The following SERINC5 variants were observed in gnomAD, a reference collection of about 807,000 sequenced individuals.
SERINC5 encodes serine incorporator 5.
Under a neutral mutation model 63.1 loss-of-function variants are expected in SERINC5, and 41 were observed. The ratio of observed to expected loss-of-function variants is 0.65; its 90% confidence interval spans 0.51 to 0.84. The LOEUF (loss-of-function observed/expected upper bound fraction) is 0.84. Among genes scored for constraint, SERINC5 ranks in the 40% least tolerant of loss-of-function variants. The pLI is 0.00. For synonymous variants in SERINC5, 222 were observed against 215.2 expected, an observed-to-expected ratio of 1.03 and a Z score of -0.28; for missense variants, 523 against 573.0, an observed-to-expected ratio of 0.91 and a Z score of 0.89.
At chr5:80,251,871 C>T (rs1020769594) in intron 1 of SERINC5, among the ~76,000 whole-genome samples, 43 of 47,282 alleles carry the variant, frequency 9.1e-4, no homozygotes, top group Admixed American at 2.5e-3. Flanking sequence ...GCATCTGCCT[C>T]GGGTGAACTT....
intron 2 of SERINC5, among the ~76,000 whole-genome samples, chr5:80,186,371 C>A (rs922107822): frequency 6.6e-6 from 1 of 152,074 alleles, no homozygotes; most frequent in Non-Finnish European, 1.5e-5. Context: ...CTCCTGACCT[C>A]AGGTGATCCA....
At chr5:80,244,166 C>T (rs961855568) in intron 1 of SERINC5, among the ~76,000 whole-genome samples, 6 of 151,860 alleles carry the variant, frequency 4.0e-5, no homozygotes, top group African/African-American at 1.5e-4. Context: ...AGCTCCCCAG[C>T]ATTTCTCTAC....
intron 1 of SERINC5, among the ~76,000 whole-genome samples, chr5:80,243,810 CA>C (rs1317859196): frequency 1.3e-5 from 2 of 151,588 alleles, no homozygotes; most frequent in Non-Finnish European, 2.9e-5. Flanking sequence ...AAGCAAGCAG[CA>C]AAACCTGGAT....
At chr5:80,176,591 C>T (rs956828125) in intron 4 of SERINC5, among the ~76,000 whole-genome samples, 4 of 152,138 alleles carry the variant, frequency 2.6e-5, no homozygotes, top group Non-Finnish European at 5.9e-5. Flanking sequence ...ACCACCATGC[C>T]TGGCTAATTT....
downstream of SERINC5, among the ~76,000 whole-genome samples, chr5:80,134,302 A>G (rs1002891812): frequency 1.3e-5 from 2 of 152,154 alleles, no homozygotes; most frequent in African/African-American, 4.8e-5. Context: ...CCTGGCCAAC[A>G]TGGTGAAACC....
chr5:80,229,784 T>C (rs1044623069), intron 1 of SERINC5, among the ~76,000 whole-genome samples: 9 of 152,224 alleles, frequency 5.9e-5, no homozygotes, highest in African/African-American at 1.9e-4. Flanking sequence ...TGCATGCTCA[T>C]TTCATTCAAT....
Position 80,139,294 on chromosome 5 carries a change from T to A in SERINC5, c.*4369A>T. On this transcript the variant is annotated 3_prime_UTR_variant, in exon 12 of 12. Coordinates refer to ENST00000507668, the MANE Select transcript of SERINC5 (RefSeq NM_001174072.3). ...CAAAACAATCCTCTTAAATTTCTTA[T>A]AAATAGCTCTCCAGACATATATTAC... The A allele has an allele frequency of 2.0e-6, 2 of 978,434 alleles. No homozygotes were observed. Among genetic ancestry groups the A allele is most frequent in the South Asian group, 9.4e-5 (2 of 21,174 alleles). The allele number at this position is 978,434 out of a possible 1,614,324, so 60.6% of individuals were successfully genotyped here.
chr5:80,254,897 T>C (rs1416065772), intron 1 of SERINC5, among the ~76,000 whole-genome samples: 1 of 152,234 alleles, frequency 6.6e-6, no homozygotes, highest in African/African-American at 2.4e-5. Context: ...ACCCACAGTT[T>C]AACCACTCCA....
At chr5:80,217,310 T>A (rs1228143797) in intron 1 of SERINC5, among the ~76,000 whole-genome samples, 1 of 152,212 alleles carries the variant, frequency 6.6e-6, no homozygotes, top group African/African-American at 2.4e-5. Flanking sequence ...TGCCTCATTG[T>A]GTCATGGAGA....
chr5:80,128,769 T>G (rs1452883155), intron 11 of SERINC5, among the ~76,000 whole-genome samples: 1 of 152,212 alleles, frequency 6.6e-6, no homozygotes, highest in Non-Finnish European at 1.5e-5. Flanking sequence ...CATTATTATT[T>G]TATTATGCTG....
downstream of SERINC5, among the ~76,000 whole-genome samples, chr5:80,137,122 A>C (rs922615948): frequency 1.5e-5 from 2 of 136,838 alleles, no homozygotes; most frequent in Non-Finnish European, 3.1e-5. Context: ...CTGGGGTGGC[A>C]GACTGAGACC....
chr5:80,126,233 A>G (rs375871808), intron 11 of SERINC5, among the ~76,000 whole-genome samples: 1 of 152,334 alleles, frequency 6.6e-6, no homozygotes, highest in East Asian at 1.9e-4. Flanking sequence ...TGGATTATAA[A>G]AAGCTGGTTC....
At chr5:80,163,328 C>T (rs1747064325) in intron 7 of SERINC5, among the ~76,000 whole-genome samples, 1 of 152,138 alleles carries the variant, frequency 6.6e-6, no homozygotes, top group South Asian at 2.1e-4. Flanking sequence ...CCTTTTATTT[C>T]TTCCTCTTGC....
At chr5:80,161,036 GTA>G (rs538888494) in intron 7 of SERINC5, among the ~76,000 whole-genome samples, 71 of 124,822 alleles carry the variant, frequency 5.7e-4, no homozygotes, top group East Asian at 8.1e-4. Flanking sequence ...ATACACACGT[GTA>G]TATATATATA....
chr5:80,116,832 T>TC (rs1744340752), intron 11 of SERINC5, among the ~76,000 whole-genome samples: 1 of 149,086 alleles, frequency 6.7e-6, no homozygotes, highest in South Asian at 2.1e-4. Flanking sequence ...ACTGGAGAGC[T>TC]CTTTTTTTTT....
chr5:80,143,750 C>G lies in SERINC5; in HGVS notation c.1299G>C (p.Lys433Asn). 1 of 1,536,164 alleles carries G rather than the reference C, an allele frequency of 6.5e-7. No homozygotes were observed. The highest frequency in any genetic ancestry group is 8.7e-7 in the Non-Finnish European group (1 of 1,146,894). The change falls in exon 12 of 12, where the codon AAG (lysine) becomes AAC (asparagine). Residue 433 changes from lysine to asparagine, a missense_variant. Coordinates refer to ENST00000507668, the MANE Select transcript of SERINC5 (RefSeq NM_001174072.3). Reference sequence around the variant, plus strand: ...GCACGCATATCCAGCAGGAGGCCATCTTGACCCAGAAGATGGACCAGCTCC... The same window carrying G: ...GCACGCATATCCAGCAGGAGGCCATGTTGACCCAGAAGATGGACCAGCTCC... ...FSGSWSIFWV[K>N]MASCWICVLL...
chr5:80,204,652 C>T (rs978818005), intron 1 of SERINC5, among the ~76,000 whole-genome samples: 4 of 152,134 alleles, frequency 2.6e-5, no homozygotes, highest in African/African-American at 4.8e-5. Flanking sequence ...ATAATCGTGA[C>T]TCTCAGACAA....
chr5:80,236,280 C>G (rs1004128873), intron 1 of SERINC5, among the ~76,000 whole-genome samples: 2 of 152,136 alleles, frequency 1.3e-5, no homozygotes, highest in African/African-American at 4.8e-5. Flanking sequence ...GATGTACAAA[C>G]TAAACAACAG....
chr5:80,202,328 G>A (rs1159233127), intron 2 of SERINC5, among the ~76,000 whole-genome samples: 1 of 152,090 alleles, frequency 6.6e-6, no homozygotes, highest in East Asian at 1.9e-4. Context: ...ATTTCATCAG[G>A]AACAGCTATA....
Sources: gnomAD v4.1 joint callset for allele counts (sites outside exome capture counted in the v4.1 genomes callset) on GRCh38, gnomAD v4.1.1 for gene constraint, MANE v1.5 for transcripts, NCBI Gene and HGNC (gene_info 2026-07-23, HGNC 2026-07-21) for gene names.